CSGALNACT1: variants seen among roughly 807,000 people sequenced by gnomAD.
CSGALNACT1 encodes the protein beta4GalNAcT-1.
CSGALNACT1 carries 52 observed loss-of-function variants against 51.0 expected under a neutral mutation model. That is an observed-to-expected ratio of 1.02 (90% CI 0.82 to 1.29). The LOEUF is 1.29. Among genes scored for constraint, CSGALNACT1 ranks in the 50% most tolerant of loss-of-function variants. The probability of loss-of-function intolerance (pLI) is 0.00; values close to 1 mark genes in which losing one functional copy is unlikely to be tolerated. For synonymous variants in CSGALNACT1, 341 were observed against 254.4 expected, an observed-to-expected ratio of 1.34 and a Z score of -3.24; for missense variants, 935 against 679.2, an observed-to-expected ratio of 1.38 and a Z score of -4.19.
At chr8:19,544,096 G>A (rs567383881) in intron 3 of CSGALNACT1, among the ~76,000 whole-genome samples, 3 of 148,956 alleles carry the variant, frequency 2.0e-5, no homozygotes, top group Admixed American at 6.7e-5. Flanking sequence ...TTTTAAACAA[G>A]TTGTTTTGCT....
intron 5 of CSGALNACT1, among the ~76,000 whole-genome samples, chr8:19,443,963 C>T (rs1170560164): frequency 6.6e-6 from 1 of 152,196 alleles, no homozygotes; most frequent in African/African-American, 2.4e-5. Context: ...TCATAAGGAA[C>T]ACACAACCTA....
Position 19,666,885 on chromosome 8 carries a change from G to GAAAGAA in CSGALNACT1, c.-544+15587_-544+15588insTTCTTT, listed in dbSNP as rs202245434. 3.7e-5 allele frequency among the ~76,000 whole-genome samples: 5 copies of GAAAGAA among 134,400 alleles called. 1 individual carries two copies. Among genetic ancestry groups the GAAAGAA allele is most frequent in the South Asian group, 5.3e-4 (2 of 3,788 alleles). 88.2% of individuals were successfully genotyped at this position (134,400 alleles called of 152,430 possible). A position where few individuals can be genotyped will look rare whatever the true frequency, so the allele number is the denominator to read the frequency against. ...AGAAAGAAAGAAAGAAAGAAAGAAA[G>GAAAGAA]AGAGAGAGGAAGTGAGGAAGGGAGG... is the stretch of plus-strand genomic sequence containing the variant. On this transcript the variant is annotated intron_variant, in intron 1 of 9. Coordinates refer to the CSGALNACT1 transcript ENST00000332246.
intron 4 of CSGALNACT1, among the ~76,000 whole-genome samples, chr8:19,468,996 GA>G: frequency 6.6e-6 from 1 of 152,278 alleles, no homozygotes; most frequent in African/African-American, 2.4e-5. Flanking sequence ...GAAGCACTCA[GA>G]GGGGCAGAAG....
intron 3 of CSGALNACT1, among the ~76,000 whole-genome samples, chr8:19,556,390 A>G (rs1227211297): frequency 6.6e-6 from 1 of 152,180 alleles, no homozygotes; most frequent in Non-Finnish European, 1.5e-5. Flanking sequence ...AAAAGAAAAA[A>G]AAAAAAAAGA....
chr8:19,635,547 C>T (rs2055926166), intron 1 of CSGALNACT1, among the ~76,000 whole-genome samples: 1 of 152,180 alleles, frequency 6.6e-6, no homozygotes, highest in Non-Finnish European at 1.5e-5. Context: ...TTGCCTCCCC[C>T]TTGTCTGTAG....
chr8:19,582,792 C>T (rs1314871008), intron 3 of CSGALNACT1, among the ~76,000 whole-genome samples: 1 of 152,084 alleles, frequency 6.6e-6, no homozygotes, highest in Non-Finnish European at 1.5e-5. Flanking sequence ...AATCAGTAGC[C>T]CCTGTGTATG....
chr8:19,525,124 T>C (rs1332369634), intron 3 of CSGALNACT1, among the ~76,000 whole-genome samples: 2 of 152,230 alleles, frequency 1.3e-5, no homozygotes, highest in Non-Finnish European at 1.5e-5. Context: ...AACTTTGTGT[T>C]CTTTGTCCAA....
chr8:19,465,223 C>G (rs1365289996), intron 4 of CSGALNACT1, among the ~76,000 whole-genome samples: 1 of 152,146 alleles, frequency 6.6e-6, no homozygotes, highest in Non-Finnish European at 1.5e-5. Flanking sequence ...AGACATTATG[C>G]TAAGTGAAAT....
At chr8:19,440,430 T>A (rs1021576455) in intron 5 of CSGALNACT1, among the ~76,000 whole-genome samples, 8 of 151,758 alleles carry the variant, frequency 5.3e-5, no homozygotes, top group Non-Finnish European at 1.2e-4. Context: ...AATCAATAAA[T>A]GTAATCCAGC....
At chr8:19,653,243 C>CTT (rs1455325943) in intron 1 of CSGALNACT1, among the ~76,000 whole-genome samples, 3 of 152,138 alleles carry the variant, frequency 2.0e-5, no homozygotes, top group Non-Finnish European at 4.4e-5. Context: ...GTCCTTGTAG[C>CTT]TTTCTCAGTT....
At chr8:19,617,204 T>C (rs4922069) in intron 1 of CSGALNACT1, among the ~76,000 whole-genome samples, 22,928 of 152,072 alleles carry the variant, frequency 0.15, 2,036 homozygotes, top group Non-Finnish European at 0.21. Flanking sequence ...ATGTCGCCAA[T>C]TATCTGACAG....
intron 1 of CSGALNACT1, among the ~76,000 whole-genome samples, chr8:19,636,697 A>T (rs2056113396): frequency 1.3e-5 from 2 of 152,158 alleles, no homozygotes; most frequent in South Asian, 4.1e-4. Flanking sequence ...TGGAGTGAGA[A>T]CTTGGTAACA....
At chr8:19,682,359 C>T (rs2060682774) in intron 1 of CSGALNACT1, 3 of 303,782 alleles carry the variant, frequency 9.9e-6, no homozygotes, top group Non-Finnish European at 2.0e-5. Context: ...AGCTCACTTA[C>T]CTCCCTTCCT....
At chr8:19,439,056 C>G (rs535760515) in intron 6 of CSGALNACT1, among the ~76,000 whole-genome samples, 1 of 152,330 alleles carries the variant, frequency 6.6e-6, no homozygotes, top group South Asian at 2.1e-4. Context: ...CACCTGATTA[C>G]TCAAATTGCC....
At chr8:19,627,717 T>A (rs1395678378) in intron 1 of CSGALNACT1, among the ~76,000 whole-genome samples, 1 of 152,040 alleles carries the variant, frequency 6.6e-6, no homozygotes, top group African/African-American at 2.4e-5. Flanking sequence ...CCCAGCTACG[T>A]TGGAGGCTCA....
intron 1 of CSGALNACT1, among the ~76,000 whole-genome samples, chr8:19,667,012 A>AAGG (rs2059378990): frequency 5.8e-5 from 2 of 34,394 alleles, no homozygotes; most frequent in East Asian, 6.2e-4. Flanking sequence ...AGAAAGAAAG[A>AAGG]AAGAAAGGAA....
Position 19,601,449 on chromosome 8 carries a change from G to C in CSGALNACT1, c.-416+322C>G, listed in dbSNP as rs192515487. Among the ~76,000 whole-genome samples, 3 of 152,258 alleles carry C rather than the reference G, an allele frequency of 2.0e-5. No individual in the cohort carries two copies. The East Asian group carries it at 5.8e-4, about 29-fold the overall frequency. ...ACAAATGTCCCTATGTAAGCGAACT[G>C]TTTCAAAAAGATGTAGCTCTTCCAG... On this transcript the variant is annotated intron_variant, in intron 2 of 9. Coordinates refer to ENST00000454498, the Ensembl canonical transcript of CSGALNACT1.
chr8:19,623,338 T>C (rs2054063190), intron 1 of CSGALNACT1, among the ~76,000 whole-genome samples: 2 of 152,128 alleles, frequency 1.3e-5, no homozygotes, highest in Non-Finnish European at 2.9e-5. Context: ...TTCTCTGGGG[T>C]TCACAGAGGA....
intron 3 of CSGALNACT1, among the ~76,000 whole-genome samples, chr8:19,546,445 T>G (rs879544500): frequency 6.6e-6 from 1 of 152,180 alleles, no homozygotes; most frequent in African/African-American, 2.4e-5. Context: ...TGGACCTCAA[T>G]AGAACATTGA....
Sources: gnomAD v4.1 joint callset for allele counts (sites outside exome capture counted in the v4.1 genomes callset) on GRCh38, gnomAD v4.1.1 for gene constraint, MANE v1.5 for transcripts, NCBI Gene and HGNC (gene_info 2026-07-23, HGNC 2026-07-21) for gene names.